Variants in FAM117A observed in about 807,000 individuals in gnomAD.
The protein encoded by FAM117A is family with sequence similarity 117 member A.
FAM117A carries 21 observed loss-of-function variants against 44.1 expected under a neutral mutation model. The ratio of observed to expected loss-of-function variants is 0.48; its 90% CI spans 0.34 to 0.69. The LOEUF (loss-of-function observed/expected upper bound fraction) is 0.69, where lower values mean the gene tolerates loss of function less well. Among genes scored for constraint, FAM117A ranks in the 30% least tolerant of loss-of-function variants. FAM117A has a pLI of 0.01. For synonymous variants in FAM117A, 220 were observed against 238.3 expected, an observed-to-expected ratio of 0.92 and a Z score of 0.71; for missense variants, 498 against 589.9, an observed-to-expected ratio of 0.84 and a Z score of 1.61.
intron 1 of FAM117A, among the ~76,000 whole-genome samples, chr17:49,737,119 A>T (rs2073614051): frequency 6.6e-6 from 1 of 152,112 alleles, no homozygotes; most frequent in Non-Finnish European, 1.5e-5. Flanking sequence ...TCTCTCTCTG[A>T]GGCTCAGGAA....
intron 1 of FAM117A, among the ~76,000 whole-genome samples, chr17:49,772,423 T>A (rs972260602): frequency 6.6e-6 from 1 of 151,658 alleles, no homozygotes; most frequent in Non-Finnish European, 1.5e-5. Context: ...CTGGCCAACA[T>A]AGTGAAACCC....
At position 49,719,803 on chromosome 17, in the gene FAM117A, T is replaced by G; in HGVS notation, c.665A>C (p.Glu222Ala). 6.2e-7 allele frequency: 1 copy of G among 1,604,558 alleles called. No individual in the cohort carries two copies. The highest frequency in any genetic ancestry group is 8.5e-7 in the Non-Finnish European group (1 of 1,176,368). ...TCCCTGCTCCTTCACAAATACCTCCTCCAGCTCTTGGTTGAGCCCTTCCAG... is the reference window on the plus strand; with the variant it reads ...TCCCTGCTCCTTCACAAATACCTCCGCCAGCTCTTGGTTGAGCCCTTCCAG... The part of the protein sequence containing the change: ...RSLEGLNQEL[E>A]EVFVKEQGEE... Residue 222 changes from glutamate (E) to alanine (A), a missense_variant, in exon 5 of 8, where the codon GAG (glutamate) becomes GCG (alanine). Coordinates refer to ENST00000240364, the MANE Select transcript of FAM117A (RefSeq NM_030802.4).
At chr17:49,782,689 C>CAAAAAA (rs74562078) in intron 1 of FAM117A, among the ~76,000 whole-genome samples, 1 of 56,178 alleles carries the variant, frequency 1.8e-5, no homozygotes, top group African/African-American at 5.4e-5. Context: ...GACTTTGTCT[C>CAAAAAA]AAAAAAAAAA....
intron 1 of FAM117A, among the ~76,000 whole-genome samples, chr17:49,758,516 T>C (rs1170174043): frequency 6.6e-6 from 1 of 150,658 alleles, no homozygotes; most frequent in Non-Finnish European, 1.5e-5. Context: ...CCCAGCTACT[T>C]GGGAGGCTGA....
chr17:49,735,834 C>G (rs879037622), intron 1 of FAM117A, among the ~76,000 whole-genome samples: 5 of 152,114 alleles, frequency 3.3e-5, no homozygotes, highest in Admixed American at 3.3e-4. Flanking sequence ...ACTATATGGC[C>G]AACTTTTACT....
upstream of FAM117A, among the ~76,000 whole-genome samples, chr17:49,768,830 C>A (rs2073752597): frequency 6.6e-6 from 1 of 152,210 alleles, no homozygotes; most frequent in South Asian, 2.1e-4. Context: ...GGATTTTGAC[C>A]TTCAGTACTT....
intron 1 of FAM117A, among the ~76,000 whole-genome samples, chr17:49,754,823 G>A (rs2073691817): frequency 2.0e-5 from 3 of 151,898 alleles, no homozygotes; most frequent in African/African-American, 2.4e-5. Flanking sequence ...TGGATTACCT[G>A]AGGTCGGGAG....
At chr17:49,789,094 C>G (rs565932438), upstream of FAM117A, 2 of 388,392 alleles carry the variant, frequency 5.1e-6, no homozygotes, top group African/African-American at 2.1e-5. Context: ...TAATTGGTCG[C>G]TGAAACGTCT....
In FAM117A at chr17:49,716,245, G is replaced by C; in HGVS notation, c.981C>G (p.Ser327=). The part of the protein sequence containing the change: ...SPSPVLAFAA[S]PRPNHSYIFK... The stretch of plus-strand genomic sequence containing the variant: ...AGATGTAGCTATGATTAGGTCGAGG[G>C]GAGGCAGCAAAGGCAAGGACTGGAG... The change falls in exon 7 of 8, where the codon TCC becomes TCG. Residue 327 remains serine, a synonymous_variant. Transcript: ENST00000240364. 1 of 1,613,266 alleles carries C rather than the reference G, an allele frequency of 6.2e-7. No homozygotes were observed. Among genetic ancestry groups the C allele is most frequent in the Non-Finnish European group, 8.5e-7 (1 of 1,179,594 alleles).
At chr17:49,751,039 G>T (rs1045855254) in intron 1 of FAM117A, among the ~76,000 whole-genome samples, 1 of 152,048 alleles carries the variant, frequency 6.6e-6, no homozygotes, top group African/African-American at 2.4e-5. Context: ...CAGCACTTTG[G>T]GGGGCCGAGG....
rs1359154823 is a variant in FAM117A at position 49,749,519 on chromosome 17, G to T, written c.196+14373C>A. Reference sequence around the variant, plus strand: ...CTGAATCTGGGAGGCAGAAGTTGCAGTGAGCCGAGATCGCGCCACTGTACT... The same window carrying T: ...CTGAATCTGGGAGGCAGAAGTTGCATTGAGCCGAGATCGCGCCACTGTACT... On this transcript the variant is annotated intron_variant, in intron 1 of 7. Coordinates refer to ENST00000240364, the MANE Select transcript of FAM117A (RefSeq NM_030802.4). Among the ~76,000 whole-genome samples the T allele has an allele frequency of 1.6e-5, 2 of 125,758 alleles. 1 individual carries two copies. The highest frequency in any genetic ancestry group is 3.8e-5 in the Non-Finnish European group (2 of 53,066). 82.5% of individuals were successfully genotyped at this position (125,758 alleles called of 152,430 possible).
At chr17:49,763,428 AAC>A (rs750083820) in intron 1 of FAM117A, among the ~76,000 whole-genome samples, 1 of 151,948 alleles carries the variant, frequency 6.6e-6, no homozygotes, top group Non-Finnish European at 1.5e-5. Context: ...CTGGAGAAGT[AAC>A]ACACGGCTGC....
At chr17:49,763,373 T>C (rs974559998) in intron 1 of FAM117A, among the ~76,000 whole-genome samples, 2 of 151,934 alleles carry the variant, frequency 1.3e-5, no homozygotes, top group Admixed American at 6.6e-5. Flanking sequence ...TGGTGGAGAA[T>C]GGAACTCCAG....
chr17:49,768,611 T>C (rs566740512), upstream of FAM117A, among the ~76,000 whole-genome samples: 1 of 152,092 alleles, frequency 6.6e-6, no homozygotes, highest in African/African-American at 2.4e-5. Flanking sequence ...CAGGACTGGC[T>C]CCTCAGGGAA....
rs2073475809 is a variant in FAM117A, at chr17:49,711,229, G to A, written c.*26C>T. The stretch of plus-strand genomic sequence containing the variant: ...CTGCCACCAAGGCACTGGTCTCTAT[G>A]GTAAAGTGGGGCAGGGGTGGGACCC... On this transcript the variant is annotated 3_prime_UTR_variant, in exon 8 of 8. Coordinates refer to ENST00000240364, the MANE Select transcript of FAM117A (RefSeq NM_030802.4). 1 of 1,565,750 alleles carries A rather than the reference G, an allele frequency of 6.4e-7. No individual in the cohort carries two copies. The highest frequency in any genetic ancestry group is 8.7e-7 in the Non-Finnish European group (1 of 1,154,750).
intron 1 of FAM117A, chr17:49,773,206 G>A (rs1441247585): frequency 6.6e-6 from 1 of 152,444 alleles, no homozygotes; most frequent in Non-Finnish European, 1.5e-5. Flanking sequence ...CTGGGAGGCT[G>A]AGGCAGAGAA....
chr17:49,714,706 G>T (rs1267300371), intron 7 of FAM117A, among the ~76,000 whole-genome samples: 1 of 151,140 alleles, frequency 6.6e-6, no homozygotes, highest in African/African-American at 2.4e-5. Flanking sequence ...GAGTGCGGTG[G>T]CGTGATCTCG....
chr17:49,781,765 T>G (rs1257132597), intron 1 of FAM117A, among the ~76,000 whole-genome samples: 2 of 151,842 alleles, frequency 1.3e-5, no homozygotes, highest in African/African-American at 4.8e-5. Context: ...TCCCTTGAGC[T>G]CAAGAGTTTG....
chr17:49,759,886 T>G (rs2073716146), intron 1 of FAM117A, among the ~76,000 whole-genome samples: 1 of 152,236 alleles, frequency 6.6e-6, no homozygotes, highest in South Asian at 2.1e-4. Flanking sequence ...CAACCATGAC[T>G]ACTGCCAGCT....
Sources: gnomAD v4.1 joint callset for allele counts (sites outside exome capture counted in the v4.1 genomes callset) on GRCh38, gnomAD v4.1.1 for gene constraint, MANE v1.5 for transcripts, NCBI Gene and HGNC (gene_info 2026-07-23, HGNC 2026-07-21) for gene names.